Variants in FARS2 observed in about 807,000 individuals in gnomAD.
FARS2 encodes phenylalanine--tRNA ligase, mitochondrial.
In FARS2, 40 loss-of-function variants were observed where a neutral mutation model predicts 46.4. The observed-to-expected ratio is 0.86, with a 90% CI of 0.67 to 1.12. The LOEUF (loss-of-function observed/expected upper bound fraction) is 1.12, where lower values mean the gene tolerates loss of function less well. Among genes scored for constraint, FARS2 ranks in the 50% most tolerant of loss-of-function variants. The probability of loss-of-function intolerance (pLI) is 0.00; values close to 1 mark genes in which losing one functional copy is unlikely to be tolerated. For missense variants in FARS2, 513 were observed against 567.9 expected (o/e 0.90, Z 0.98); for synonymous variants, 234 against 214.9 (o/e 1.09, Z -0.78).
At chr6:5,717,553 G>A (rs1052838079) in intron 6 of FARS2, among the ~76,000 whole-genome samples, 2 of 152,056 alleles carry the variant, frequency 1.3e-5, no homozygotes, top group African/African-American at 4.8e-5. Flanking sequence ...CTGAAAACTA[G>A]TAGCTGAATC....
intron 4 of FARS2, among the ~76,000 whole-genome samples, chr6:5,453,590 C>G (rs1764639000): frequency 6.6e-6 from 1 of 152,198 alleles, no homozygotes; most frequent in Non-Finnish European, 1.5e-5. Context: ...TTGATTTGCT[C>G]TGTTTAACAT....
chr6:5,627,811 A>G (rs1343782055), intron 6 of FARS2, among the ~76,000 whole-genome samples: 2 of 152,260 alleles, frequency 1.3e-5, no homozygotes, highest in Non-Finnish European at 2.9e-5. Context: ...CTAACTTGAT[A>G]TATAGGCCAC....
intron 4 of FARS2, among the ~76,000 whole-genome samples, chr6:5,455,240 G>A (rs180972542): frequency 1.0e-3 from 152 of 152,198 alleles, no homozygotes; most frequent in Non-Finnish European, 2.0e-3. Flanking sequence ...TTAAATCTTT[G>A]CAGAAGATTC....
intron 4 of FARS2, among the ~76,000 whole-genome samples, chr6:5,437,602 T>C (rs1231361157): frequency 6.6e-6 from 1 of 152,180 alleles, no homozygotes; most frequent in African/African-American, 2.4e-5. Context: ...GAAATGTCTT[T>C]CTTTATCTCT....
rs556623032 is a variant in FARS2 at position 5,523,336 on chromosome 6, G to A, written c.905-21844G>A. Among the ~76,000 whole-genome samples the A allele has an allele frequency of 3.9e-5, 6 of 152,278 alleles. No individual in the cohort carries two copies. In the East Asian group the frequency reaches 1.2e-3, roughly 29 times the overall value. ...GGGTCAGGTAGGGAGAAGAGAAGTA[G>A]GGCAAGGACAACAGAGGGCTTTTTT... On this transcript the variant is annotated intron_variant, in intron 4 of 6. Transcript: ENST00000274680.
chr6:5,692,244 T>C (rs1264632772), intron 6 of FARS2, among the ~76,000 whole-genome samples: 1 of 152,210 alleles, frequency 6.6e-6, no homozygotes, highest in African/African-American at 2.4e-5. Context: ...GGTACCTCAG[T>C]TGGAAATGCA....
intron 4 of FARS2, among the ~76,000 whole-genome samples, chr6:5,483,013 C>T (rs1766562905): frequency 1.3e-5 from 2 of 152,116 alleles, no homozygotes; most frequent in South Asian, 4.1e-4. Context: ...CACATCTATC[C>T]ACCTCTGCCT....
intron 6 of FARS2, among the ~76,000 whole-genome samples, chr6:5,696,776 T>C (rs1231164277): frequency 6.6e-6 from 1 of 152,180 alleles, no homozygotes; most frequent in East Asian, 1.9e-4. Context: ...CATACATCAT[T>C]TTTATAATAA....
chr6:5,458,938 T>C (rs905759313), intron 4 of FARS2, among the ~76,000 whole-genome samples: 53 of 152,184 alleles, frequency 3.5e-4, no homozygotes, highest in Non-Finnish European at 2.8e-4. Flanking sequence ...TTAACAAGGA[T>C]GGTGGTAGTA....
At chr6:5,677,110 C>T (rs1365445358) in intron 6 of FARS2, among the ~76,000 whole-genome samples, 1 of 152,042 alleles carries the variant, frequency 6.6e-6, no homozygotes, top group East Asian at 1.9e-4. Context: ...TAAAACAAAC[C>T]AAAGATGATT....
chr6:5,284,628 C>A (rs113979938), intron 1 of FARS2, among the ~76,000 whole-genome samples: 2 of 152,152 alleles, frequency 1.3e-5, no homozygotes, highest in Admixed American at 6.5e-5. Flanking sequence ...GATCACCAGT[C>A]GCCTTCTGGT....
intron 3 of FARS2, 102 bp downstream of exon 3, chr6:5,404,803 T>A: frequency 2.4e-6 from 1 of 411,820 alleles, no homozygotes; most frequent in Non-Finnish European, 3.7e-6. Flanking sequence ...TTTGAAATTC[T>A]TTTTTTTTTT....
intron 1 of FARS2, among the ~76,000 whole-genome samples, chr6:5,322,161 T>A (rs1014834551): frequency 1.4e-4 from 21 of 152,188 alleles, no homozygotes; most frequent in African/African-American, 4.8e-4. Flanking sequence ...GTCACATAAA[T>A]ATAAATTTAA....
chr6:5,327,603 A>G (rs891576089), intron 1 of FARS2, among the ~76,000 whole-genome samples: 1 of 152,176 alleles, frequency 6.6e-6, no homozygotes, highest in African/African-American at 2.4e-5. Context: ...GCCTTCTGCC[A>G]TGATCGTGAG....
chr6:5,620,114 A>G (rs1197333339), intron 6 of FARS2, among the ~76,000 whole-genome samples: 1 of 151,864 alleles, frequency 6.6e-6, no homozygotes, highest in Non-Finnish European at 1.5e-5. Flanking sequence ...TGGGCCTGGT[A>G]ACTCTTTGTC....
At chr6:5,660,807 G>C (rs1270740509) in intron 6 of FARS2, among the ~76,000 whole-genome samples, 1 of 152,236 alleles carries the variant, frequency 6.6e-6, no homozygotes, top group Non-Finnish European at 1.5e-5. Flanking sequence ...AAGAAGGCCA[G>C]TGTGGCTGGA....
intron 5 of FARS2, among the ~76,000 whole-genome samples, chr6:5,558,972 AT>A (rs1477335303): frequency 6.6e-6 from 1 of 151,994 alleles, no homozygotes; most frequent in African/African-American, 2.4e-5. Flanking sequence ...ATCTATTTTG[AT>A]TTATTTTTAA....
chr6:5,653,273 T>G (rs879714969), intron 6 of FARS2, among the ~76,000 whole-genome samples: 1 of 152,216 alleles, frequency 6.6e-6, no homozygotes, highest in Non-Finnish European at 1.5e-5. Flanking sequence ...TTCTTCCTAC[T>G]ACAGGGTAAT....
upstream of FARS2, among the ~76,000 whole-genome samples, chr6:5,259,371 C>T (rs1442545097): frequency 6.6e-6 from 1 of 152,210 alleles, no homozygotes; most frequent in African/African-American, 2.4e-5. Context: ...TATTATTACA[C>T]TCTTTATTCT....
Sources: gnomAD v4.1 joint callset for allele counts (sites outside exome capture counted in the v4.1 genomes callset) on GRCh38, gnomAD v4.1.1 for gene constraint, MANE v1.5 for transcripts, NCBI Gene and HGNC (gene_info 2026-07-23, HGNC 2026-07-21) for gene names.